The following XRN2 variants were observed in gnomAD, a reference collection of about 807,000 sequenced individuals.
XRN2 encodes the protein DHM1-like protein.
Under a neutral mutation model 138.5 loss-of-function variants are expected in XRN2, and 44 were observed. The ratio of observed to expected loss-of-function variants is 0.32; its 90% CI spans 0.25 to 0.41. XRN2 has a LOEUF of 0.41. XRN2 is among the 10% of genes least tolerant of loss of function. The probability of loss-of-function intolerance (pLI) is 1.00; values close to 1 mark genes in which losing one functional copy is unlikely to be tolerated. For missense variants in XRN2, 937 were observed against 1,169.3 expected, an observed-to-expected ratio of 0.80 and a Z score of 2.90; for synonymous variants, 354 against 369.4, an observed-to-expected ratio of 0.96 and a Z score of 0.48.
rs779252284 is a variant in XRN2, at chr20:21,365,679, G to A, written c.2431G>A (p.Asp811Asn). Residue 811 changes from aspartate (D) to asparagine (N), a missense_variant, in exon 26 of 30, where the codon GAT (aspartate) becomes AAT (asparagine). Around this residue, in one of 6 missense-constraint regions of XRN2, gnomAD observed 372 missense variants for 414.4 expected, o/e 0.90. Coordinates refer to ENST00000377191, the MANE Select transcript of XRN2 (RefSeq NM_012255.5). ...CCGTGACCGGAGGCCTGTGCACCTG[G>A]ATCAGGCAGCCTTCAGGACTTTGGG... ...FNRDRRPVHLDQAAFRTLGHV... is the reference protein window; with the variant it reads ...FNRDRRPVHLNQAAFRTLGHV... 8.3e-6 allele frequency: 13 copies of A among 1,573,466 alleles called. No individual in the cohort carries two copies. In the South Asian group the frequency reaches 1.4e-4, roughly 17 times the overall value.
At chr20:21,345,588 A>G (rs1032372052) in intron 16 of XRN2, among the ~76,000 whole-genome samples, 11 of 152,154 alleles carry the variant, frequency 7.2e-5, no homozygotes, top group African/African-American at 9.7e-5. Flanking sequence ...TGGCTTCTTT[A>G]TGTTCCTTAA....
intron 9 of XRN2, among the ~76,000 whole-genome samples, chr20:21,332,946 G>C (rs1204287962): frequency 6.6e-6 from 1 of 152,060 alleles, no homozygotes; most frequent in Non-Finnish European, 1.5e-5. Flanking sequence ...AGGTTCACTT[G>C]GTTATGTCCA....
intron 20 of XRN2, among the ~76,000 whole-genome samples, chr20:21,353,124 A>ATAATATTTAATATATAATATT (rs1017857131): frequency 1.0e-4 from 15 of 147,056 alleles, no homozygotes; most frequent in African/African-American, 3.5e-4. Flanking sequence ...TTATATATGT[A>ATAATATTTAATATATAATATT]TAATATTTAA....
chr20:21,365,324 T>C lies in XRN2; in HGVS notation c.2256-97T>C. The C allele has an allele frequency of 6.0e-6, 7 of 1,172,884 alleles. No homozygotes were observed. The South Asian group carries it at 1.1e-4, about 18-fold the overall frequency. The allele number at this position is 1,172,884 out of a possible 1,614,324, so 72.7% of individuals were successfully genotyped here. A position where few individuals can be genotyped will look rare whatever the true frequency, so the allele number is the denominator to read the frequency against. On this transcript the variant is annotated intron_variant, in intron 24 of 29. Transcript: ENST00000377191. ...CAAACCCATTTATTAACTAAAATAATTTTTGGAGAGGACTTAAACATGAAA... is the reference window on the plus strand; with the variant it reads ...CAAACCCATTTATTAACTAAAATAACTTTTGGAGAGGACTTAAACATGAAA...
chr20:21,354,767 T>G (rs2038555804), intron 20 of XRN2, 22 bp from the exon 21 acceptor site: 6 of 1,612,270 alleles, frequency 3.7e-6, no homozygotes, highest in Non-Finnish European at 5.1e-6. Flanking sequence ...CAGGGGTGGT[T>G]CATTTGCACT....
intron 28 of XRN2, among the ~76,000 whole-genome samples, chr20:21,382,508 C>T (rs1024098228): frequency 6.6e-6 from 1 of 152,198 alleles, no homozygotes; most frequent in Non-Finnish European, 1.5e-5. Context: ...TTCTTTGGTA[C>T]AACTTTTTCA....
intron 8 of XRN2, 138 bp from the exon 9 acceptor site, chr20:21,332,145 G>T (rs575446667): frequency 9.6e-7 from 1 of 1,041,262 alleles, no homozygotes; most frequent in Non-Finnish European, 1.4e-6. Context: ...ATGCCAGGAA[G>T]TGTCAAGCTT....
In XRN2 at chr20:21,365,719, T is replaced by A. The variant is rs368076176; in HGVS notation, c.2456+15T>A. 3.5e-4 allele frequency: 561 copies of A among 1,598,608 alleles called. No homozygotes were observed. Among genetic ancestry groups the A allele is most frequent in the Non-Finnish European group, 4.4e-4 (519 of 1,173,200 alleles). On this transcript the variant is annotated intron_variant, in intron 26 of 29. Transcript: ENST00000377191. ...AGGACTTTGGGGTGAGTTGTCAGTT[T>A]TTAGCCCTTGTATATTTTGCTTTTT...
intron 26 of XRN2, 32 bp from the exon 27 acceptor site, chr20:21,368,431 A>G: frequency 1.3e-6 from 2 of 1,599,304 alleles, no homozygotes; most frequent in Non-Finnish European, 8.5e-7. Context: ...TCACTATACA[A>G]TTTTTTTTTC....
At chr20:21,326,144 CTT>C in intron 1 of XRN2, 133 bp from the exon 2 acceptor site, 4 of 867,900 alleles carry the variant, frequency 4.6e-6, no homozygotes, top group East Asian at 2.7e-5. Context: ...AATAAAATAA[CTT>C]ATTATAATTT....
At chr20:21,355,851 AGTTT>A (rs1431398099) in intron 21 of XRN2, among the ~76,000 whole-genome samples, 1 of 152,152 alleles carries the variant, frequency 6.6e-6, no homozygotes, top group Non-Finnish European at 1.5e-5. Flanking sequence ...GGAACATTAC[AGTTT>A]CTTTCTTCTA....
intron 1 of XRN2, 45 bp downstream of exon 1, chr20:21,303,518 G>C: frequency 6.6e-7 from 1 of 1,519,392 alleles, no homozygotes; most frequent in Admixed American, 2.2e-5. Context: ...CCGGGCCCCC[G>C]GCACGTCTAG....
chr20:21,306,624 G>T lies in XRN2; in HGVS notation c.75+3151G>T, dbSNP rs1321132731. On this transcript the variant is annotated intron_variant, in intron 1 of 29. Transcript: ENST00000377191. ...ACTTGTTTGATCCTCACAACCACAT[G>T]ACTTCTACTGTTGTAATTATTTTTA... Among the ~76,000 whole-genome samples the T allele has an allele frequency of 2.6e-5, 2 of 77,170 alleles. 1 individual carries two copies. Among genetic ancestry groups the T allele is most frequent in the Non-Finnish European group, 6.1e-5 (2 of 32,760 alleles). 50.6% of individuals were successfully genotyped at this position (77,170 alleles called of 152,430 possible).
chr20:21,330,794 C>T (rs1286547487), intron 6 of XRN2, 89 bp downstream of exon 6: 10 of 1,241,104 alleles, frequency 8.1e-6, no homozygotes, highest in Non-Finnish European at 1.1e-5. Context: ...ATCCTTCTGC[C>T]CTGCCCCATA....
chr20:21,351,608 A>G (rs1018095144), intron 20 of XRN2, among the ~76,000 whole-genome samples: 1 of 152,136 alleles, frequency 6.6e-6, no homozygotes, highest in African/African-American at 2.4e-5. Flanking sequence ...AATCAAGTTT[A>G]TCTTTTTTGT....
intron 27 of XRN2, among the ~76,000 whole-genome samples, chr20:21,375,567 G>A (rs557508331): frequency 6.6e-6 from 1 of 151,318 alleles, no homozygotes; most frequent in South Asian, 2.1e-4. Flanking sequence ...TTATTTAGAA[G>A]TATATTGCTT....
At chr20:21,383,803 C>A (rs1233852081) in intron 28 of XRN2, among the ~76,000 whole-genome samples, 8 of 152,106 alleles carry the variant, frequency 5.3e-5, no homozygotes, top group African/African-American at 1.9e-4. Context: ...CTTTGTGAAC[C>A]CAGCAGGTTA....
At chr20:21,353,164 A>G (rs969434458) in intron 20 of XRN2, among the ~76,000 whole-genome samples, 29 of 146,304 alleles carry the variant, frequency 2.0e-4, no homozygotes, top group Admixed American at 1.7e-3. Flanking sequence ...AATATATAAT[A>G]TAATATATGT....
chr20:21,356,680 G>A lies in XRN2; in HGVS notation c.2198+15G>A, dbSNP rs1270705087. The A allele has an allele frequency of 6.2e-7, 1 of 1,608,034 alleles. No individual in the cohort carries two copies. Among genetic ancestry groups the A allele is most frequent in the South Asian group, 1.1e-5 (1 of 90,414 alleles). On this transcript the variant is annotated intron_variant, in intron 23 of 29. Coordinates refer to ENST00000377191, the MANE Select transcript of XRN2 (RefSeq NM_012255.5). Reference sequence around the variant, plus strand: ...CTTCCAGATCAGTAAGTTTCATTTTGTATATAATTGAGGTGACTGGAAGGA... The same window carrying A: ...CTTCCAGATCAGTAAGTTTCATTTTATATATAATTGAGGTGACTGGAAGGA...
Sources: allele counts gnomAD v4.1 joint callset (sites outside exome capture counted in the v4.1 genomes callset), GRCh38; gene constraint gnomAD v4.1.1; regional missense constraint gnomAD v4.1.1; transcripts MANE v1.5; gene names NCBI Gene and HGNC (gene_info 2026-07-23, HGNC 2026-07-21).